Variants in EXOC4 observed in about 807,000 individuals in gnomAD.
EXOC4 encodes SEC8-like 1.
In EXOC4, 71 loss-of-function variants were observed where a neutral mutation model predicts 107.2. The observed-to-expected ratio is 0.66, with a 90% CI of 0.55 to 0.81. The LOEUF is 0.81. Ranked by LOEUF, EXOC4 falls within the 30% of genes least tolerant of loss-of-function variation. The probability of loss-of-function intolerance (pLI) is 0.00; values close to 1 mark genes in which losing one functional copy is unlikely to be tolerated. For synonymous variants in EXOC4, 456 were observed against 441.2 expected, an observed-to-expected ratio of 1.03 and a Z score of -0.42; for missense variants, 1,108 against 1,189.6, an observed-to-expected ratio of 0.93 and a Z score of 1.01.
chr7:133,494,183 G>C (rs1799429997), intron 9 of EXOC4, among the ~76,000 whole-genome samples: 1 of 152,112 alleles, frequency 6.6e-6, no homozygotes, highest in African/African-American at 2.4e-5. Context: ...GTGAGGGAGA[G>C]CTTCTTTCTT....
At chr7:133,351,408 G>C in intron 5 of EXOC4, among the ~76,000 whole-genome samples, 1 of 151,848 alleles carries the variant, frequency 6.6e-6, no homozygotes, top group East Asian at 1.9e-4. Flanking sequence ...ATTTCTTTGT[G>C]ATTTAGTGTT....
chr7:134,025,060 C>T (rs1198119945), intron 17 of EXOC4, among the ~76,000 whole-genome samples: 1 of 152,234 alleles, frequency 6.6e-6, no homozygotes, highest in Non-Finnish European at 1.5e-5. Context: ...GTCTCATTCT[C>T]CAGCCTTCCT....
chr7:133,349,128 ATG>A (rs534947708), intron 5 of EXOC4, among the ~76,000 whole-genome samples: 129 of 12,534 alleles, frequency 0.01, 1 homozygote, highest in African/African-American at 0.021. Context: ...TCAGATTTAA[ATG>A]TTTTTTTTTT....
rs1290731870 is a variant in EXOC4, at chr7:133,389,893, G to GC, written c.1182+14893dup. 7.8e-5 allele frequency among the ~76,000 whole-genome samples: 6 copies of GC among 76,912 alleles called. No individual in the cohort carries two copies. In the South Asian group the frequency reaches 2.6e-3, roughly 33 times the overall value. The allele number at this position is 76,912 out of a possible 152,430, so 50.5% of individuals were successfully genotyped here. A position where few individuals can be genotyped will look rare whatever the true frequency, so the allele number is the denominator to read the frequency against. On this transcript the variant is annotated intron_variant, in intron 7 of 17. Transcript: ENST00000253861. ...TCACATCTTACATGGATGGCAGCAG[G>GC]CCAAAAAAAAAAAAAAAATGCATGT...
intron 6 of EXOC4, among the ~76,000 whole-genome samples, chr7:133,362,152 T>C (rs1361839418): frequency 6.6e-6 from 1 of 152,172 alleles, no homozygotes; most frequent in Non-Finnish European, 1.5e-5. Flanking sequence ...TCAGGTTTTA[T>C]AGCTTCTGGG....
chr7:133,875,199 G>A (rs186143068), intron 11 of EXOC4, among the ~76,000 whole-genome samples: 2 of 152,314 alleles, frequency 1.3e-5, no homozygotes, highest in African/African-American at 4.8e-5. Flanking sequence ...TGATAAAATA[G>A]GGATGATAAT....
intron 9 of EXOC4, among the ~76,000 whole-genome samples, chr7:133,536,735 T>C (rs1437385798): frequency 6.6e-6 from 1 of 152,044 alleles, no homozygotes; most frequent in African/African-American, 2.4e-5. Flanking sequence ...GTGGGGACTT[T>C]GATCTGTCTT....
At chr7:133,873,523 TA>T (rs1314197645) in intron 11 of EXOC4, among the ~76,000 whole-genome samples, 1 of 152,260 alleles carries the variant, frequency 6.6e-6, no homozygotes, top group East Asian at 1.9e-4. Flanking sequence ...GTGAAGATGT[TA>T]AGTTTATTTT....
At chr7:133,884,618 T>TGTGTGTGC (rs1799040341) in intron 11 of EXOC4, among the ~76,000 whole-genome samples, 1 of 145,498 alleles carries the variant, frequency 6.9e-6, no homozygotes, top group Admixed American at 6.8e-5. Context: ...TGTGTGTGTG[T>TGTGTGTGC]GTGCGCGCGT....
intron 14 of EXOC4, among the ~76,000 whole-genome samples, chr7:133,981,484 G>C (rs1793976694): frequency 6.6e-6 from 1 of 151,512 alleles, no homozygotes. Flanking sequence ...ATACATGCAG[G>C]CAACAAGAAA....
At chr7:133,834,028 T>A (rs73155114) in intron 11 of EXOC4, among the ~76,000 whole-genome samples, 17,415 of 152,092 alleles carry the variant, frequency 0.11, 1,108 homozygotes, top group Middle Eastern at 0.14. Flanking sequence ...CCCCCTTGAA[T>A]GCACAGTGAC....
At chr7:133,539,446 C>T (rs1473495262) in intron 9 of EXOC4, among the ~76,000 whole-genome samples, 1 of 151,950 alleles carries the variant, frequency 6.6e-6, no homozygotes, top group Non-Finnish European at 1.5e-5. Context: ...AAATTCAACT[C>T]AAATTATTAA....
rs369113617 is a variant in EXOC4 at position 133,469,309 on chromosome 7, G to A, written c.1183-6019G>A. 1.3e-3 allele frequency among the ~76,000 whole-genome samples: 196 copies of A among 152,222 alleles called. 1 individual carries two copies. The highest frequency in any genetic ancestry group is 6.8e-3 in the Middle Eastern group (2 of 294). The stretch of plus-strand genomic sequence containing the variant: ...CATGCACCTGTAATCCCTGCCACTC[G>A]GGAGAGTGAGGCAGGAGAATCGCTT... On this transcript the variant is annotated intron_variant, in intron 7 of 17. Coordinates refer to ENST00000253861, the MANE Select transcript of EXOC4 (RefSeq NM_021807.4).
intron 7 of EXOC4, among the ~76,000 whole-genome samples, chr7:133,425,081 G>T (rs1373349800): frequency 6.7e-6 from 1 of 148,986 alleles, no homozygotes; most frequent in East Asian, 1.9e-4. Flanking sequence ...TCCATGAACT[G>T]CAGTTACGGT....
chr7:133,558,185 CCTTCTCTTTT>C (rs1432009987), intron 9 of EXOC4, among the ~76,000 whole-genome samples: 2 of 91,418 alleles, frequency 2.2e-5, no homozygotes, highest in Non-Finnish European at 4.9e-5. Flanking sequence ...TATTTTGGTT[CCTTCTCTTTT>C]CTTTTCTTTT....
intron 9 of EXOC4, among the ~76,000 whole-genome samples, chr7:133,539,398 AT>A (rs1800337904): frequency 6.6e-6 from 1 of 151,076 alleles, no homozygotes; most frequent in African/African-American, 2.4e-5. Context: ...GCTGGGTTGT[AT>A]TTTTTTCCTA....
At chr7:134,005,473 T>C (rs752339916) in intron 16 of EXOC4, among the ~76,000 whole-genome samples, 1 of 152,142 alleles carries the variant, frequency 6.6e-6, no homozygotes, top group African/African-American at 2.4e-5. Context: ...AAATTATCAC[T>C]GGAACGGGAA....
At chr7:133,588,562 T>C (rs966365067) in intron 9 of EXOC4, among the ~76,000 whole-genome samples, 1 of 152,172 alleles carries the variant, frequency 6.6e-6, no homozygotes, top group Non-Finnish European at 1.5e-5. Context: ...TTTGGCCTTC[T>C]TTTCAGCTTT....
At chr7:133,857,850 A>C (rs1291153393) in intron 11 of EXOC4, among the ~76,000 whole-genome samples, 1 of 152,112 alleles carries the variant, frequency 6.6e-6, no homozygotes, top group African/African-American at 2.4e-5. Context: ...TCCACCACCC[A>C]CAGCTCGGCG....
Sources: gnomAD v4.1 joint callset for allele counts (sites outside exome capture counted in the v4.1 genomes callset) on GRCh38, gnomAD v4.1.1 for gene constraint, MANE v1.5 for transcripts, NCBI Gene and HGNC (gene_info 2026-07-23, HGNC 2026-07-21) for gene names.